Variants in GHR observed in about 807,000 individuals in gnomAD.
The protein encoded by GHR is GH receptor.
A neutral mutation model predicts 67.1 loss-of-function variants in GHR; 35 were observed. The ratio of observed to expected loss-of-function variants is 0.52; its 90% CI spans 0.40 to 0.69. The LOEUF is 0.69. Among genes scored for constraint, GHR ranks in the 30% least tolerant of loss-of-function variants. The pLI, the probability that GHR is intolerant of heterozygous loss-of-function variation, is 0.00. For missense variants in GHR, 792 were observed against 764.6 expected (o/e 1.04, Z -0.42); for synonymous variants, 272 against 269.1 (o/e 1.01, Z -0.10).
At chr5:42,533,054 C>A (rs1242547349) in intron 1 of GHR, among the ~76,000 whole-genome samples, 1 of 152,122 alleles carries the variant, frequency 6.6e-6, no homozygotes, top group Non-Finnish European at 1.5e-5. Flanking sequence ...CTCCTACCAG[C>A]AATGAATGAG....
chr5:42,521,089 C>T (rs1747453797), intron 1 of GHR, among the ~76,000 whole-genome samples: 1 of 152,146 alleles, frequency 6.6e-6, no homozygotes, highest in South Asian at 2.1e-4. Flanking sequence ...TGAAAGTGTA[C>T]GTGTGCAATA....
chr5:42,683,017 T>C (rs1165107489), intron 3 of GHR, among the ~76,000 whole-genome samples: 3 of 151,972 alleles, frequency 2.0e-5, no homozygotes, highest in Non-Finnish European at 4.4e-5. Flanking sequence ...ATATATTTTT[T>C]TTTGAGATGG....
At chr5:42,525,483 C>T (rs1561095906) in intron 1 of GHR, among the ~76,000 whole-genome samples, 2 of 152,190 alleles carry the variant, frequency 1.3e-5, no homozygotes, top group Non-Finnish European at 2.9e-5. Context: ...ATTTTACAGG[C>T]TTATAGGCAG....
intron 6 of GHR, among the ~76,000 whole-genome samples, chr5:42,703,178 G>A (rs1345715507): frequency 6.6e-6 from 1 of 151,826 alleles, no homozygotes; most frequent in Non-Finnish European, 1.5e-5. Flanking sequence ...TCCAGTAGTT[G>A]TACAGTTTCA....
At chr5:42,689,148 C>T in intron 4 of GHR, 129 bp downstream of exon 4, 4 of 884,412 alleles carry the variant, frequency 4.5e-6, no homozygotes, top group Non-Finnish European at 7.6e-6. Context: ...TTCATTCACT[C>T]ATTTATTGAA....
intron 1 of GHR, among the ~76,000 whole-genome samples, chr5:42,469,102 A>C (rs954792092): frequency 6.6e-6 from 1 of 152,270 alleles, no homozygotes; most frequent in African/African-American, 2.4e-5. Context: ...TGTAGAAAGA[A>C]GCTTCTCTTG....
At chr5:42,430,607 C>CGTGTGTGTGTGT (rs141602161) in intron 1 of GHR, among the ~76,000 whole-genome samples, 2,479 of 147,492 alleles carry the variant, frequency 0.017, 25 homozygotes, top group Non-Finnish European at 0.022. Context: ...ATGCTAGTCC[C>CGTGTGTGTGTGT]GTGTGTGTGT....
intron 1 of GHR, among the ~76,000 whole-genome samples, chr5:42,448,262 T>A (rs1219914290): frequency 1.3e-5 from 2 of 152,146 alleles, no homozygotes; most frequent in Non-Finnish European, 2.9e-5. Flanking sequence ...ATCTATTATT[T>A]TTTTATTTTT....
chr5:42,593,818 A>G (rs1056011496), intron 2 of GHR, among the ~76,000 whole-genome samples: 1 of 152,186 alleles, frequency 6.6e-6, no homozygotes, highest in African/African-American at 2.4e-5. Flanking sequence ...TAGTGATGAC[A>G]TTTCCTGGTT....
At position 42,719,166 on chromosome 5, in the gene GHR, A is replaced by C. The variant is rs757197207; in HGVS notation, c.1659A>C (p.Glu553Asp). The C allele has an allele frequency of 1.2e-6, 2 of 1,614,072 alleles. No homozygotes were observed. The change falls in exon 10 of 10, where the codon GAA becomes GAC. Residue 553 changes from glutamate (E) to aspartate (D), a missense_variant. Coordinates refer to ENST00000230882, the MANE Select transcript of GHR (RefSeq NM_000163.5). ...CIPVAPHIKV[E>D]SHIQPSLNQE... Reference sequence around the variant, plus strand: ...CTGTGGCTCCTCACATCAAGGTTGAATCACACATACAGCCAAGCTTAAACC... The same window carrying C: ...CTGTGGCTCCTCACATCAAGGTTGACTCACACATACAGCCAAGCTTAAACC...
At chr5:42,618,692 G>A (rs940129934) in intron 2 of GHR, among the ~76,000 whole-genome samples, 1 of 152,112 alleles carries the variant, frequency 6.6e-6, no homozygotes, top group African/African-American at 2.4e-5. Flanking sequence ...AACTTACTAT[G>A]TGCCAGGCAT....
At chr5:42,504,526 C>T (rs535189066) in intron 1 of GHR, among the ~76,000 whole-genome samples, 1 of 151,960 alleles carries the variant, frequency 6.6e-6, no homozygotes, top group Non-Finnish European at 1.5e-5. Context: ...TTTGGGAGGC[C>T]GAGGTGGGTA....
At chr5:42,584,140 T>C (rs1342220271) in intron 2 of GHR, among the ~76,000 whole-genome samples, 1 of 152,138 alleles carries the variant, frequency 6.6e-6, no homozygotes, top group East Asian at 1.9e-4. Context: ...AAAACCCTTA[T>C]GTATTTTTTT....
At chr5:42,540,351 C>T (rs1008587038) in intron 1 of GHR, among the ~76,000 whole-genome samples, 3 of 152,158 alleles carry the variant, frequency 2.0e-5, no homozygotes, top group Middle Eastern at 3.4e-3. Flanking sequence ...TTTTATTTCA[C>T]CTTGTTTCAA....
At chr5:42,599,527 A>G (rs1752256132) in intron 2 of GHR, among the ~76,000 whole-genome samples, 1 of 151,660 alleles carries the variant, frequency 6.6e-6, no homozygotes, top group South Asian at 2.1e-4. Flanking sequence ...CACCTGGCTA[A>G]TTTTTGTATT....
rs753993062 is a variant in GHR at position 42,645,658 on chromosome 5, C to T, written c.136+16555C>T. On this transcript the variant is annotated intron_variant, in intron 3 of 9. Coordinates refer to ENST00000230882, the MANE Select transcript of GHR (RefSeq NM_000163.5). ...GGCCACCCTACCCATGTCCATGCCA[C>T]TCTTCCTGCCTTTCTCTCTGCCTAC... Among the ~76,000 whole-genome samples, 126 of 152,346 alleles carry T rather than the reference C, an allele frequency of 8.3e-4. 1 individual carries two copies. The highest frequency in any genetic ancestry group is 2.8e-3 in the Admixed American group (43 of 15,308).
At chr5:42,436,015 A>G (rs1743307967) in intron 1 of GHR, among the ~76,000 whole-genome samples, 1 of 152,166 alleles carries the variant, frequency 6.6e-6, no homozygotes, top group Non-Finnish European at 1.5e-5. Flanking sequence ...TAGTCATAAG[A>G]GTGGGATAAC....
At chr5:42,674,215 C>CA (rs1388582826) in intron 3 of GHR, among the ~76,000 whole-genome samples, 1 of 151,832 alleles carries the variant, frequency 6.6e-6, no homozygotes, top group African/African-American at 2.4e-5. Context: ...AGTGACAGGC[C>CA]AAAATTAATG....
At chr5:42,514,111 AC>A in intron 1 of GHR, 1 of 985,006 alleles carries the variant, frequency 1.0e-6, no homozygotes, top group Non-Finnish European at 1.2e-6. Flanking sequence ...ACCAGAACTG[AC>A]CTTGAAGACA....
Sources: gnomAD v4.1 joint callset for allele counts (sites outside exome capture counted in the v4.1 genomes callset) on GRCh38, gnomAD v4.1.1 for gene constraint, MANE v1.5 for transcripts, NCBI Gene and HGNC (gene_info 2026-07-23, HGNC 2026-07-21) for gene names.